Variants in MUC5B observed in about 807,000 individuals in gnomAD.
The protein encoded by MUC5B is mucin 5B, oligomeric mucus/gel-forming.
In MUC5B, 116 loss-of-function variants were observed where a neutral mutation model predicts 376.9. The observed-to-expected ratio is 0.31, with a 90% confidence interval of 0.26 to 0.36. The LOEUF is 0.36. Among genes scored for constraint, MUC5B ranks in the 10% least tolerant of loss-of-function variants. The pLI is 1.00. For missense variants in MUC5B, 7,165 were observed against 7,769.9 expected, an observed-to-expected ratio of 0.92 and a Z score of 2.93; for synonymous variants, 3,517 against 3,390.9, an observed-to-expected ratio of 1.04 and a Z score of -1.29.
Position 1,248,714 on chromosome 11 carries a change from C to T in MUC5B, c.11834C>T (p.Pro3945Leu). 1.3e-6 allele frequency: 2 copies of T among 1,569,308 alleles called. No homozygotes were observed. Among genetic ancestry groups the T allele is most frequent in the Middle Eastern group, 1.7e-4 (1 of 5,990 alleles). Reference protein sequence around the residue: ...SSSTQTSGTPPSLITTATTIT... With the variant: ...SSSTQTSGTPLSLITTATTIT... ...AGCACACAGACCAGTGGTACTCCCC[C>T]ATCACTGATCACCACGGCCACTACG... The change falls in exon 31 of 49, where the codon CCA becomes CTA. Residue 3945 changes from proline (P) to leucine (L), a missense_variant. Pro to Leu is a moderately conservative substitution (Grantham distance 98). This residue lies in a region of MUC5B where 242 missense variants were observed against 199.0 expected (regional missense o/e 1.22). Transcript: ENST00000529681.
At position 1,246,321 on chromosome 11, in the gene MUC5B, C is replaced by A; in HGVS notation, c.9441C>A (p.Ala3147=). The A allele has an allele frequency of 6.2e-7, 1 of 1,601,940 alleles. No homozygotes were observed. Among genetic ancestry groups the A allele is most frequent in the South Asian group, 1.1e-5 (1 of 90,172 alleles). ...ELTTAATTTA[A]TGPTATPSST... is the part of the protein sequence containing the mutation. Reference sequence around the variant, plus strand: ...CCACAGCAGCCACTACAACTGCAGCCACTGGCCCCACGGCCACCCCGTCCT... The same window carrying A: ...CCACAGCAGCCACTACAACTGCAGCAACTGGCCCCACGGCCACCCCGTCCT... The change falls in exon 31 of 49, where the codon GCC becomes GCA. Residue 3147 remains alanine (A), a synonymous_variant. Transcript: ENST00000529681.
At position 1,241,673 on chromosome 11, in the gene MUC5B, G is replaced by T. The variant is rs1483491385; in HGVS notation, c.4793G>T (p.Cys1598Phe). ...CYNYRIRVLC[C>F]SDDHCRGRAT... ...AACTACAGGATCCGGGTCCTCTGCT[G>T]CAGTGACGACCACTGCAGGGGACGT... The change falls in exon 31 of 49, where the codon TGC (cysteine) becomes TTC (phenylalanine). Residue 1598 changes from cysteine (C) to phenylalanine (F), a missense_variant. Physicochemically the swap from Cys to Phe is radical, Grantham distance 205 (BLOSUM62 -2). Transcript: ENST00000529681. 1 of 1,612,400 alleles carries T rather than the reference G, an allele frequency of 6.2e-7. No individual in the cohort carries two copies. The highest frequency in any genetic ancestry group is 8.5e-7 in the Non-Finnish European group (1 of 1,179,648).
chr11:1,247,465 A>G lies in MUC5B; in HGVS notation c.10585A>G (p.Thr3529Ala). 4 of 1,605,554 alleles carry G rather than the reference A, an allele frequency of 2.5e-6. No individual in the cohort carries two copies. In the South Asian group the frequency reaches 4.4e-5, roughly 18 times the overall value. ...GTCACCCCCTTCTCCAGGGACGACCACCCCGGGCCACACCAGGGGCACCTC... is the reference window on the plus strand; with the variant it reads ...GTCACCCCCTTCTCCAGGGACGACCGCCCCGGGCCACACCAGGGGCACCTC... Reference protein sequence around the residue: ...TESPPSPGTTTPGHTRGTSRT... With the variant: ...TESPPSPGTTAPGHTRGTSRT... The change falls in exon 31 of 49, where the codon ACC (threonine) becomes GCC (alanine). Residue 3529 changes from threonine to alanine, a missense_variant. This residue lies in a region of MUC5B where 939 missense variants were observed against 770.6 expected (regional missense o/e 1.22). Coordinates refer to ENST00000529681, the MANE Select transcript of MUC5B (RefSeq NM_002458.3).
intron 10 of MUC5B, 84 bp from the exon 11 acceptor site, chr11:1,229,921 C>A: frequency 6.5e-7 from 1 of 1,547,150 alleles, no homozygotes; most frequent in Non-Finnish European, 8.7e-7. Flanking sequence ...GTGCACCCAC[C>A]AGCCTCCGCC....
intron 37 of MUC5B, 92 bp from the exon 38 acceptor site, chr11:1,256,064 C>A (rs1162898419): frequency 4.6e-6 from 3 of 647,950 alleles, no homozygotes; most frequent in African/African-American, 3.7e-5. Context: ...CCCCAGACTC[C>A]TCGGCCTCTC....
Position 1,250,706 on chromosome 11 carries a change from C to A in MUC5B, c.13826C>A (p.Pro4609Gln), listed in dbSNP as rs1483782720. ...TTCACAGCCACCCCCTCCTCCAGCC[C>A]AGGGACGGCACTCACGCCTCCAGTG... ...TGFTATPSSS[P>Q]GTALTPPVWI... Residue 4609 changes from proline to glutamine, a missense_variant, in exon 31 of 49, where the codon CCA becomes CAA. Around this residue, in one of 31 missense-constraint regions of MUC5B, gnomAD observed 730 missense variants for 592.7 expected, o/e 1.23. Transcript: ENST00000529681. 6.2e-7 allele frequency: 1 copy of A among 1,612,928 alleles called. No individual in the cohort carries two copies. Among genetic ancestry groups the A allele is most frequent in the Non-Finnish European group, 8.5e-7 (1 of 1,179,436 alleles).
In MUC5B at chr11:1,229,674, A is replaced by T; in HGVS notation, c.1103-16A>T. On this transcript the variant is annotated splice_polypyrimidine_tract_variant and intron_variant, in intron 9 of 48. Coordinates refer to ENST00000529681, the MANE Select transcript of MUC5B (RefSeq NM_002458.3). ...CCCGTGCATGGGCCGGCCCTGCCTCACGCCGCGCCCCACAGGCACGGTGCT... is the reference window on the plus strand; with the variant it reads ...CCCGTGCATGGGCCGGCCCTGCCTCTCGCCGCGCCCCACAGGCACGGTGCT... 6.5e-7 allele frequency: 1 copy of T among 1,545,262 alleles called. No individual in the cohort carries two copies. Among genetic ancestry groups the T allele is most frequent in the Admixed American group, 1.9e-5 (1 of 52,158 alleles).
chr11:1,243,684 A>G lies in MUC5B; in HGVS notation c.6804A>G (p.Pro2268=), dbSNP rs1414000530. 1 of 1,609,590 alleles carries G rather than the reference A, an allele frequency of 6.2e-7. No individual in the cohort carries two copies. Among genetic ancestry groups the G allele is most frequent in the African/African-American group, 1.4e-5 (1 of 74,056 alleles). Reference sequence around the variant, plus strand: ...GAACCACCGAGTCACCCCCTTCTCCAGGGACGACCACCCCGGGCCACACCA... The same window carrying G: ...GAACCACCGAGTCACCCCCTTCTCCGGGGACGACCACCCCGGGCCACACCA... The part of the protein sequence containing the change: ...SSRTTESPPS[P]GTTTPGHTTA... Residue 2268 remains proline, a synonymous_variant, in exon 31 of 49, where the codon CCA becomes CCG. Coordinates refer to ENST00000529681, the MANE Select transcript of MUC5B (RefSeq NM_002458.3).
chr11:1,233,690 C>A, intron 18 of MUC5B, 103 bp from the exon 19 acceptor site: 1 of 1,167,294 alleles, frequency 8.6e-7, no homozygotes, highest in South Asian at 1.3e-5. Context: ...AAGGAGGTGG[C>A]CAGGCTGGGG....
In MUC5B at chr11:1,246,242, C is replaced by G; in HGVS notation, c.9362C>G (p.Ser3121Cys). Residue 3121 changes from serine to cysteine, a missense_variant, in exon 31 of 49, where the codon TCC becomes TGC. By Grantham distance (112) the Ser-to-Cys change is moderately radical. Transcript: ENST00000529681. Reference sequence around the variant, plus strand: ...GCCACCACGACAAGGGCCACCAGTTCCATGTCCACCCCCTCCTCCACTCCG... The same window carrying G: ...GCCACCACGACAAGGGCCACCAGTTGCATGTCCACCCCCTCCTCCACTCCG... ...TKATTTRATS[S>C]MSTPSSTPGT... 1 of 1,612,664 alleles carries G rather than the reference C, an allele frequency of 6.2e-7. No individual in the cohort carries two copies. Among genetic ancestry groups the G allele is most frequent in the Non-Finnish European group, 8.5e-7 (1 of 1,179,488 alleles).
chr11:1,244,718 C>A lies in MUC5B; in HGVS notation c.7838C>A (p.Thr2613Asn), dbSNP rs553761589. The change falls in exon 31 of 49, where the codon ACC becomes AAC. Residue 2613 changes from threonine to asparagine, a missense_variant. Physicochemically the swap from Thr to Asn is moderately conservative, Grantham distance 65. Transcript: ENST00000529681. The stretch of plus-strand genomic sequence containing the variant: ...ACTACCAAAGTGCTGACTACCACAA[C>A]CACGGGCTTCACAGCCACCCCCTCC... ...AHTTKVLTTT[T>N]TGFTATPSSS... The A allele has an allele frequency of 5.6e-6, 9 of 1,612,912 alleles. No individual in the cohort carries two copies. The highest frequency in any genetic ancestry group is 2.2e-5 in the East Asian group (1 of 44,864).
chr11:1,258,498 G>A lies in MUC5B; in HGVS notation c.16593+131G>A. 9.1e-7 allele frequency: 1 copy of A among 1,097,580 alleles called. No homozygotes were observed. The highest frequency in any genetic ancestry group is 1.6e-5 in the South Asian group (1 of 63,368). The allele number at this position is 1,097,580 out of a possible 1,614,324, so 68.0% of individuals were successfully genotyped here. A position where few individuals can be genotyped will look rare whatever the true frequency, so the allele number is the denominator to read the frequency against. Reference sequence around the variant, plus strand: ...AGGGCCGATCCGCACAGGGGCCCTGGACACGTCAGAGCTGGGACATGCTTG... The same window carrying A: ...AGGGCCGATCCGCACAGGGGCCCTGAACACGTCAGAGCTGGGACATGCTTG... On this transcript the variant is annotated intron_variant, in intron 43 of 48. Transcript: ENST00000529681. The surrounding 1 kb of genome is among the most constrained non-coding windows in gnomAD (Gnocchi z 5.5).
rs376033739 is a variant in MUC5B at position 1,247,518 on chromosome 11, C to T, written c.10638C>T (p.Ser3546=). The change falls in exon 31 of 49, where the codon AGC becomes AGT. Residue 3546 remains serine (S), a synonymous_variant. Transcript: ENST00000529681. ...TSRTTATATP[S]KTRTSTLLPS... is the part of the protein sequence containing the mutation. ...GGACCACAGCCACAGCCACACCCAG[C>T]AAGACCCGCACCTCGACCCTGCTGC... The T allele has an allele frequency of 6.2e-7, 1 of 1,609,656 alleles. No individual in the cohort carries two copies. Among genetic ancestry groups the T allele is most frequent in the Admixed American group, 1.7e-5 (1 of 59,974 alleles).
rs1199110520 is a variant in MUC5B at position 1,257,008 on chromosome 11, C to T, written c.16238-232C>T. 2.6e-5 allele frequency among the ~76,000 whole-genome samples: 4 copies of T among 152,138 alleles called. No homozygotes were observed. Among genetic ancestry groups the T allele is most frequent in the African/African-American group, 9.7e-5 (4 of 41,444 alleles). On this transcript the variant is annotated intron_variant, in intron 39 of 48. Coordinates refer to ENST00000529681, the MANE Select transcript of MUC5B (RefSeq NM_002458.3). This position sits in a 1 kb window ranked among gnomAD's most constrained non-coding sequence, Gnocchi z 8.9. Reference sequence around the variant, plus strand: ...TGTCCTTGAGTGATCCTGTGATGGTCCCTCCCCTGAGCCCTGCCTCCCACC... The same window carrying T: ...TGTCCTTGAGTGATCCTGTGATGGTTCCTCCCCTGAGCCCTGCCTCCCACC...
In MUC5B at chr11:1,234,423, C is replaced by A; in HGVS notation, c.2479-106C>A. The A allele has an allele frequency of 6.7e-7, 1 of 1,499,956 alleles. No individual in the cohort carries two copies. 92.9% of individuals were successfully genotyped at this position (1,499,956 alleles called of 1,614,324 possible). On this transcript the variant is annotated intron_variant, in intron 20 of 48. Coordinates refer to ENST00000529681, the MANE Select transcript of MUC5B (RefSeq NM_002458.3). The surrounding 1 kb of genome is among the most constrained non-coding windows in gnomAD (Gnocchi z 6.3). ...TACCCACCTGGAAGCTCCGCCCTGG[C>A]CCATGCGTTGCCCTGGGTGCTGCTG...
chr11:1,257,193 C>T lies in MUC5B; in HGVS notation c.16238-47C>T, dbSNP rs1002501502. On this transcript the variant is annotated intron_variant, in intron 39 of 48. Coordinates refer to ENST00000529681, the MANE Select transcript of MUC5B (RefSeq NM_002458.3). This position sits in a 1 kb window ranked among gnomAD's most constrained non-coding sequence, Gnocchi z 8.9. ...CCTCCCATGGCCAGAGGCCCCTCCG[C>T]CTGCAAACTCAGCACCCTCCGTGAT... 1.3e-5 allele frequency: 10 copies of T among 779,362 alleles called. No individual in the cohort carries two copies. The East Asian group carries it at 1.9e-4, about 15-fold the overall frequency. The allele number at this position is 779,362 out of a possible 1,614,324, so 48.3% of individuals were successfully genotyped here. A position where few individuals can be genotyped will look rare whatever the true frequency, so the allele number is the denominator to read the frequency against.
intron 19 of MUC5B, 51 bp downstream of exon 19, chr11:1,233,899 G>C (rs903534980): frequency 9.8e-6 from 15 of 1,524,334 alleles, no homozygotes; most frequent in East Asian, 2.4e-5. Flanking sequence ...GCATCACCCC[G>C]CCTGGCCTGG....
In MUC5B at chr11:1,254,072, C is replaced by T. The variant is rs770809816; in HGVS notation, c.15218-20C>T. The T allele has an allele frequency of 1.6e-5, 25 of 1,603,932 alleles. No homozygotes were observed. The highest frequency in any genetic ancestry group is 4.4e-5 in the South Asian group (4 of 90,650). On this transcript the variant is annotated intron_variant, in intron 33 of 48. Coordinates refer to ENST00000529681, the MANE Select transcript of MUC5B (RefSeq NM_002458.3). ...GGCACCACCACGGAGCCTGCCAGCC[C>T]GTCCATCTCTGTCCCGCAGGCATCT...
rs1323943910 is a variant in MUC5B, at chr11:1,253,901, G to C, written c.15218-191G>C. 6.6e-6 allele frequency among the ~76,000 whole-genome samples: 1 copy of C among 152,156 alleles called. No homozygotes were observed. Among genetic ancestry groups the C allele is most frequent in the Non-Finnish European group, 1.5e-5 (1 of 68,020 alleles). ...GGCAAAGCCACATGCGGAGGTTCTG[G>C]GATAGCCATAGATTTTGGGGGACCC... On this transcript the variant is annotated intron_variant, in intron 33 of 48. Transcript: ENST00000529681. This position sits in a 1 kb window ranked among gnomAD's most constrained non-coding sequence, Gnocchi z 4.3.
Sources: allele counts gnomAD v4.1 joint callset (sites outside exome capture counted in the v4.1 genomes callset), GRCh38; gene constraint gnomAD v4.1.1; regional missense constraint gnomAD v4.1.1; non-coding constraint Gnocchi (gnomAD v3.1); transcripts MANE v1.5; gene names NCBI Gene and HGNC (gene_info 2026-07-23, HGNC 2026-07-21).